Variants in CDH22 observed in about 807,000 individuals in gnomAD.
CDH22 encodes the protein cadherin 22.
CDH22 carries 30 observed loss-of-function variants against 58.4 expected under a neutral mutation model. That is an observed-to-expected ratio of 0.51 (90% CI 0.38 to 0.70). CDH22 has a LOEUF of 0.70. Ranked by LOEUF, CDH22 falls within the 30% of genes least tolerant of loss-of-function variation. The pLI, the probability that CDH22 is intolerant of heterozygous loss-of-function variation, is 0.00. For missense variants in CDH22, 1,014 were observed against 1,233.9 expected (o/e 0.82, Z 2.67); for synonymous variants, 513 against 558.2 (o/e 0.92, Z 1.14).
chr20:46,281,044 C>T (rs1239685381), intron 1 of CDH22, among the ~76,000 whole-genome samples: 1 of 152,236 alleles, frequency 6.6e-6, no homozygotes. Context: ...GACCTACTCA[C>T]AAGCAAAGGT....
intron 1 of CDH22, among the ~76,000 whole-genome samples, chr20:46,281,471 C>T (rs1280588890): frequency 6.6e-6 from 1 of 151,006 alleles, no homozygotes; most frequent in African/African-American, 2.4e-5. Context: ...CATACGCCTA[C>T]CCTGATACTC....
intron 10 of CDH22, among the ~76,000 whole-genome samples, chr20:46,179,564 C>T (rs1295101284): frequency 1.3e-5 from 2 of 152,114 alleles, no homozygotes; most frequent in African/African-American, 2.4e-5. Context: ...CACGAGGTGC[C>T]GGGAACATGA....
intron 1 of CDH22, among the ~76,000 whole-genome samples, chr20:46,254,372 T>C (rs1165530111): frequency 2.0e-5 from 3 of 151,702 alleles, no homozygotes; most frequent in Non-Finnish European, 4.4e-5. Flanking sequence ...CAGGTAAACA[T>C]AGTGAAACCC....
chr20:46,204,378 T>C (rs928961291), intron 7 of CDH22, among the ~76,000 whole-genome samples: 8 of 119,230 alleles, frequency 6.7e-5, no homozygotes, highest in Non-Finnish European at 1.1e-4. Flanking sequence ...GGGGAGATAG[T>C]GTGAGACTCT....
At chr20:46,186,729 G>A (rs2085827913) in intron 9 of CDH22, 24 bp from the exon 10 acceptor site, 1 of 1,611,076 alleles carries the variant, frequency 6.2e-7, no homozygotes, top group Admixed American at 1.7e-5. Flanking sequence ...AGGGGATAGA[G>A]GGCTAGTGGT....
intron 2 of CDH22, among the ~76,000 whole-genome samples, chr20:46,246,970 G>A (rs184111681): frequency 0.012 from 1,824 of 145,934 alleles, 14 homozygotes; most frequent in Non-Finnish European, 0.017. Context: ...GACTCAGCTG[G>A]AAAGGGGACA....
At chr20:46,179,285 C>A (rs553535297) in intron 10 of CDH22, among the ~76,000 whole-genome samples, 4 of 152,190 alleles carry the variant, frequency 2.6e-5, no homozygotes, top group African/African-American at 9.7e-5. Flanking sequence ...TCCTTCTCCC[C>A]GCGGTCTTCA....
At chr20:46,223,708 TC>T (rs1484866988) in intron 4 of CDH22, among the ~76,000 whole-genome samples, 5 of 47,276 alleles carry the variant, frequency 1.1e-4, no homozygotes, top group African/African-American at 3.2e-4. Flanking sequence ...TTTCTTTCTT[TC>T]TTTCTTTTTC....
rs141782710 is a variant in CDH22 at position 46,204,221 on chromosome 20, C to T, written c.1287-4662G>A. On this transcript the variant is annotated intron_variant, in intron 7 of 11. Coordinates refer to ENST00000537909, the MANE Select transcript of CDH22 (RefSeq NM_021248.3). ...CAGCCTGGCCAACGTGGTGAAACTC[C>T]GTCTCTACTAAAAATACAAAAAATT... is the stretch of plus-strand genomic sequence containing the variant. 6.7e-3 allele frequency among the ~76,000 whole-genome samples: 1,011 copies of T among 151,910 alleles called. 10 individuals are homozygous for T. The highest frequency in any genetic ancestry group is 0.023 in the African/African-American group (962 of 41,394).
rs1461996918 is a variant in CDH22 at position 46,241,876 on chromosome 20, ACTCAGTAGGT to A, written c.256-629_256-620del. 2.6e-5 allele frequency among the ~76,000 whole-genome samples: 4 copies of A among 152,036 alleles called. No homozygotes were observed. Among genetic ancestry groups the A allele is most frequent in the Non-Finnish European group, 5.9e-5 (4 of 68,014 alleles). ...GGATCTTGTTAAAATGCAGATTCTG[ACTCAGTAGGT>A]CTGGGGCCAGGCCTCAGACTTTGCA... On this transcript the variant is annotated intron_variant, in intron 2 of 11. Transcript: ENST00000537909. This position sits in a 1 kb window ranked among gnomAD's most constrained non-coding sequence, Gnocchi z 5.2.
At chr20:46,266,398 G>A (rs183450977) in intron 1 of CDH22, among the ~76,000 whole-genome samples, 159 of 152,270 alleles carry the variant, frequency 1.0e-3, no homozygotes, top group Non-Finnish European at 1.7e-3. Flanking sequence ...TGGAGCACCC[G>A]TCCTGTGCCT....
intron 1 of CDH22, among the ~76,000 whole-genome samples, chr20:46,257,342 G>A (rs981051891): frequency 3.9e-5 from 6 of 152,058 alleles, no homozygotes; most frequent in Non-Finnish European, 7.4e-5. Flanking sequence ...TGTTAAGATA[G>A]TCAGAAGCTG....
intron 1 of CDH22, among the ~76,000 whole-genome samples, chr20:46,258,680 C>T (rs926736106): frequency 6.6e-6 from 1 of 152,232 alleles, no homozygotes; most frequent in Non-Finnish European, 1.5e-5. Context: ...GTGCCCCCTG[C>T]CTCCCAGCTC....
rs539760275 is a variant in CDH22, at chr20:46,285,918, C to T, written c.-400+22337G>A. Among the ~76,000 whole-genome samples, 26 of 152,354 alleles carry T rather than the reference C, an allele frequency of 1.7e-4. 1 individual carries two copies. Among genetic ancestry groups the T allele is most frequent in the Middle Eastern group, 3.4e-3 (1 of 294 alleles). On this transcript the variant is annotated intron_variant, in intron 1 of 11. Coordinates refer to ENST00000537909, the MANE Select transcript of CDH22 (RefSeq NM_021248.3). ...GACCTTAGGCATGTCTCTTCCTCCTCTGAGCCTTAGTTTCCTAATCTCTAA... is the reference window on the plus strand; with the variant it reads ...GACCTTAGGCATGTCTCTTCCTCCTTTGAGCCTTAGTTTCCTAATCTCTAA...
intron 11 of CDH22, among the ~76,000 whole-genome samples, chr20:46,176,321 C>T (rs1054829896): frequency 4.6e-5 from 7 of 152,210 alleles, no homozygotes; most frequent in Admixed American, 2.0e-4. Context: ...ACTCAACACG[C>T]CCTCTTGTTG....
At chr20:46,237,310 C>T (rs967293298) in intron 3 of CDH22, among the ~76,000 whole-genome samples, 40 of 152,172 alleles carry the variant, frequency 2.6e-4, no homozygotes, top group Non-Finnish European at 1.9e-4. Context: ...CGTGGCTCAT[C>T]GGAGGCCCCC....
chr20:46,281,092 G>C (rs555244014), intron 1 of CDH22, among the ~76,000 whole-genome samples: 177 of 152,352 alleles, frequency 1.2e-3, no homozygotes, highest in African/African-American at 4.1e-3. Flanking sequence ...TCAGCTCACT[G>C]GGGCCATCTT....
intron 1 of CDH22, among the ~76,000 whole-genome samples, chr20:46,272,418 C>T (rs1242980416): frequency 2.0e-5 from 3 of 152,130 alleles, no homozygotes; most frequent in Non-Finnish European, 4.4e-5. Context: ...AGATATAAAT[C>T]TGTAATTCAT....
intron 2 of CDH22, among the ~76,000 whole-genome samples, chr20:46,249,729 C>G (rs2086356271): frequency 6.6e-6 from 1 of 152,190 alleles, no homozygotes; most frequent in African/African-American, 2.4e-5. Flanking sequence ...AAGCCAGATA[C>G]TGTCCCGGGG....
Sources: gnomAD v4.1 joint callset for allele counts (sites outside exome capture counted in the v4.1 genomes callset) on GRCh38, gnomAD v4.1.1 for gene constraint, Gnocchi (gnomAD v3.1) non-coding constraint, MANE v1.5 for transcripts, NCBI Gene and HGNC (gene_info 2026-07-23, HGNC 2026-07-21) for gene names.